Variants in PRKN observed in about 807,000 individuals in gnomAD.
PRKN encodes parkin RBR E3 ubiquitin protein ligase, also known as E3 ubiquitin-protein ligase parkin.
Under a neutral mutation model 59.5 loss-of-function variants are expected in PRKN, and 56 were observed. That is an observed-to-expected ratio of 0.94 (90% CI 0.76 to 1.18). PRKN has a LOEUF of 1.18. Ranked by LOEUF, PRKN falls within the 50% of genes most tolerant of loss-of-function variation. The pLI is 0.00. For synonymous variants in PRKN, 250 were observed against 222.1 expected, an observed-to-expected ratio of 1.13 and a Z score of -1.12; for missense variants, 657 against 596.4, an observed-to-expected ratio of 1.10 and a Z score of -1.06.
intron 1 of PRKN, among the ~76,000 whole-genome samples, chr6:162,706,972 T>G (rs543210668): frequency 4.1e-4 from 62 of 152,280 alleles, no homozygotes; most frequent in Non-Finnish European, 7.6e-4. Context: ...CCAGATAATT[T>G]TATTCTTGGA....
At chr6:161,614,086 T>C (rs1010805367) in intron 7 of PRKN, among the ~76,000 whole-genome samples, 8 of 152,106 alleles carry the variant, frequency 5.3e-5, no homozygotes, top group Non-Finnish European at 8.8e-5. Context: ...CCAGCAGGGG[T>C]GTCTCAAAAG....
chr6:161,720,218 A>G lies in PRKN; in HGVS notation c.871+65554T>C, dbSNP rs982680904. ...TAAAAAACATTATCAACAATTAAAA[A>G]GTTCAAAAGAGTAGCAGCAGTCATT... On this transcript the variant is annotated intron_variant, in intron 7 of 11. Transcript: ENST00000366898. 2.6e-5 allele frequency among the ~76,000 whole-genome samples: 4 copies of G among 152,264 alleles called. No homozygotes were observed. The East Asian group carries it at 7.7e-4, about 29-fold the overall frequency.
At chr6:161,967,513 T>A (rs1780627913) in intron 6 of PRKN, among the ~76,000 whole-genome samples, 1 of 152,206 alleles carries the variant, frequency 6.6e-6, no homozygotes, top group South Asian at 2.1e-4. Context: ...GGTCAAAAAG[T>A]TAGCTTTGTG....
At chr6:161,801,144 G>T (rs983894421) in intron 6 of PRKN, among the ~76,000 whole-genome samples, 5 of 152,206 alleles carry the variant, frequency 3.3e-5, no homozygotes, top group Non-Finnish European at 7.3e-5. Flanking sequence ...CAGCCCACCG[G>T]TGACGGAGCA....
At chr6:162,725,286 T>C (rs964873274) in intron 1 of PRKN, among the ~76,000 whole-genome samples, 2 of 152,220 alleles carry the variant, frequency 1.3e-5, no homozygotes, top group African/African-American at 4.8e-5. Flanking sequence ...ATACATACTA[T>C]TTACATTTTA....
chr6:162,154,332 AAAT>A (rs146863307), intron 4 of PRKN, among the ~76,000 whole-genome samples: 1,680 of 152,270 alleles, frequency 0.011, 30 homozygotes, highest in African/African-American at 0.037. Context: ...TGGGAGAAAA[AAAT>A]AATAAGAAAA....
At chr6:162,009,481 C>A (rs895255772) in intron 5 of PRKN, among the ~76,000 whole-genome samples, 1 of 151,880 alleles carries the variant, frequency 6.6e-6, no homozygotes, top group African/African-American at 2.4e-5. Flanking sequence ...AATCACTATT[C>A]TTCAATAACT....
chr6:161,426,568 A>G (rs1788367058), intron 9 of PRKN, among the ~76,000 whole-genome samples: 2 of 151,144 alleles, frequency 1.3e-5, no homozygotes, highest in Non-Finnish European at 2.9e-5. Context: ...TGGCTCTCCT[A>G]GCTCCTCAGC....
At chr6:161,453,224 C>T (rs533624383) in intron 9 of PRKN, among the ~76,000 whole-genome samples, 51 of 152,224 alleles carry the variant, frequency 3.4e-4, no homozygotes, top group African/African-American at 1.1e-3. Context: ...GTTAGGAGGG[C>T]GGGGAGTCAG....
At chr6:161,739,199 G>A (rs1009987278) in intron 7 of PRKN, among the ~76,000 whole-genome samples, 1 of 152,088 alleles carries the variant, frequency 6.6e-6, no homozygotes, top group East Asian at 1.9e-4. Context: ...CTTGAGGTCA[G>A]GAGTTCAAGA....
chr6:162,667,209 A>C (rs953894700), intron 1 of PRKN, among the ~76,000 whole-genome samples: 7 of 152,084 alleles, frequency 4.6e-5, no homozygotes, highest in Non-Finnish European at 8.8e-5. Flanking sequence ...GTGCGTGACA[A>C]ATTTACCTTA....
intron 5 of PRKN, among the ~76,000 whole-genome samples, chr6:162,039,178 G>C (rs144102519): frequency 6.6e-6 from 1 of 151,648 alleles, no homozygotes; most frequent in Non-Finnish European, 1.5e-5. Flanking sequence ...AAAAGTGCTT[G>C]CTACTGTTTG....
At chr6:162,398,392 T>C (rs1787585494) in intron 2 of PRKN, among the ~76,000 whole-genome samples, 1 of 96,482 alleles carries the variant, frequency 1.0e-5, no homozygotes, top group Non-Finnish European at 1.9e-5. Context: ...TCTTTCTCTT[T>C]TTGTTTTTTT....
chr6:162,399,012 T>C (rs1467653754), intron 2 of PRKN, among the ~76,000 whole-genome samples: 3 of 152,178 alleles, frequency 2.0e-5, no homozygotes, highest in Non-Finnish European at 4.4e-5. Context: ...GGAAGTATTA[T>C]GAAAAATGGG....
chr6:161,719,543 T>C (rs1420896085), intron 7 of PRKN, among the ~76,000 whole-genome samples: 1 of 152,220 alleles, frequency 6.6e-6, no homozygotes, highest in Non-Finnish European at 1.5e-5. Context: ...CATCATGATA[T>C]AATTTAAGTC....
intron 3 of PRKN, among the ~76,000 whole-genome samples, chr6:162,204,024 C>T (rs1784838791): frequency 1.3e-5 from 2 of 152,076 alleles, no homozygotes. Flanking sequence ...TACACATATA[C>T]TACATGTATA....
intron 7 of PRKN, among the ~76,000 whole-genome samples, chr6:161,671,309 A>G (rs1320030511): frequency 6.6e-6 from 1 of 152,154 alleles, no homozygotes; most frequent in African/African-American, 2.4e-5. Flanking sequence ...CATGCGTCCC[A>G]GGAACCTCAT....
chr6:161,469,547 A>G (rs73589744), intron 9 of PRKN, among the ~76,000 whole-genome samples: 1,240 of 117,898 alleles, frequency 0.011, 16 homozygotes, highest in African/African-American at 0.041. Flanking sequence ...GAACAAGAGA[A>G]AGAGAGAGAG....
At chr6:162,449,126 A>T (rs1220030887) in intron 1 of PRKN, among the ~76,000 whole-genome samples, 1 of 152,134 alleles carries the variant, frequency 6.6e-6, no homozygotes, top group Admixed American at 6.5e-5. Flanking sequence ...ACCTCAGGTG[A>T]TCAATTCGCC....
Sources: gnomAD v4.1 joint callset for allele counts (sites outside exome capture counted in the v4.1 genomes callset) on GRCh38, gnomAD v4.1.1 for gene constraint, MANE v1.5 for transcripts, NCBI Gene and HGNC (gene_info 2026-07-23, HGNC 2026-07-21) for gene names.